ACER3: variants seen among roughly 807,000 people sequenced by gnomAD.
The protein encoded by ACER3 is alkCDase 3.
In ACER3, 16 loss-of-function variants were observed where a neutral mutation model predicts 48.9. The ratio of observed to expected loss-of-function variants is 0.33; its 90% CI spans 0.22 to 0.50. The LOEUF is 0.50. Ranked by LOEUF, ACER3 falls within the 20% of genes least tolerant of loss-of-function variation. The pLI, the probability that ACER3 is intolerant of heterozygous loss-of-function variation, is 0.98. For synonymous variants in ACER3, 109 were observed against 107.8 expected (o/e 1.01, Z -0.07); for missense variants, 227 against 326.0 (o/e 0.70, Z 2.34).
intron 1 of ACER3, among the ~76,000 whole-genome samples, chr11:76,891,256 A>G (rs1428293946): frequency 6.8e-6 from 1 of 147,490 alleles, no homozygotes; most frequent in Non-Finnish European, 1.5e-5. Context: ...TAATATATAT[A>G]TAATATATAT....
intron 1 of ACER3, chr11:76,868,001 T>C: frequency 2.5e-6 from 2 of 807,514 alleles, no homozygotes; most frequent in South Asian, 3.5e-5. Flanking sequence ...TTTTCCTTGC[T>C]GCTGCAGCAC....
intron 4 of ACER3, among the ~76,000 whole-genome samples, chr11:76,976,894 T>G (rs1349540430): frequency 6.6e-6 from 1 of 152,230 alleles, no homozygotes; most frequent in East Asian, 1.9e-4. Context: ...CAATCCAAAG[T>G]TCTCTTACTG....
At chr11:76,971,073 A>G (rs539646925) in intron 3 of ACER3, among the ~76,000 whole-genome samples, 1 of 152,318 alleles carries the variant, frequency 6.6e-6, no homozygotes, top group South Asian at 2.1e-4. Context: ...ATAATATTCC[A>G]TTGTATGGAT....
intron 1 of ACER3, among the ~76,000 whole-genome samples, chr11:76,890,357 G>A (rs78645875): frequency 0.036 from 5,517 of 152,202 alleles, 156 homozygotes; most frequent in Non-Finnish European, 0.052. Context: ...AGCATTTAGC[G>A]CAGAGTCTAA....
chr11:76,884,200 T>C (rs200326861), intron 1 of ACER3, among the ~76,000 whole-genome samples: 2 of 152,216 alleles, frequency 1.3e-5, no homozygotes, highest in East Asian at 3.8e-4. Context: ...CTTGCAAATT[T>C]TGGGAGCTCT....
chr11:76,996,545 G>C lies in ACER3; in HGVS notation c.439-2218G>C, dbSNP rs146868136. 4.8e-4 allele frequency among the ~76,000 whole-genome samples: 72 copies of C among 150,840 alleles called. 1 individual carries two copies. The East Asian group carries it at 0.014, about 28-fold the overall frequency. On this transcript the variant is annotated intron_variant, in intron 6 of 10. Transcript: ENST00000532485. ...GCAATTCTCCTGCCTCAGCCTCTAAGTAGCTGGGATTACTGGCACCCACCA... is the reference window on the plus strand; with the variant it reads ...GCAATTCTCCTGCCTCAGCCTCTAACTAGCTGGGATTACTGGCACCCACCA...
At chr11:76,875,107 C>CTTTTTTTT (rs10676364) in intron 1 of ACER3, among the ~76,000 whole-genome samples, 1,113 of 78,076 alleles carry the variant, frequency 0.014, 309 homozygotes, top group Non-Finnish European at 0.023. Flanking sequence ...AAAAGCACTT[C>CTTTTTTTT]TTTTTTTTTT....
chr11:77,012,866 T>C (rs1949298404), intron 7 of ACER3, among the ~76,000 whole-genome samples: 1 of 152,208 alleles, frequency 6.6e-6, no homozygotes. Context: ...GTTAGAGGGC[T>C]TGCATGACTT....
At chr11:76,906,483 A>G (rs1025545564) in intron 1 of ACER3, among the ~76,000 whole-genome samples, 4 of 152,156 alleles carry the variant, frequency 2.6e-5, no homozygotes, top group Admixed American at 1.3e-4. Flanking sequence ...TCTCCAACCA[A>G]TCAGCAGCAC....
At chr11:76,920,789 A>G (rs979368686) in intron 1 of ACER3, among the ~76,000 whole-genome samples, 1 of 152,010 alleles carries the variant, frequency 6.6e-6, no homozygotes, top group Admixed American at 6.6e-5. Context: ...GGCAAGTGCC[A>G]CTATGCCTGG....
intron 6 of ACER3, chr11:76,998,423 A>AAGCTAAATAGAAGAGAGG: frequency 9.4e-6 from 2 of 213,528 alleles, no homozygotes; most frequent in South Asian, 7.5e-5. Context: ...GCTGAAAGCA[A>AAGCTAAATAGAAGAGAGG]AGCTAAAGAG....
chr11:76,912,382 T>C (rs1946400685), intron 1 of ACER3, among the ~76,000 whole-genome samples: 1 of 152,148 alleles, frequency 6.6e-6, no homozygotes, highest in South Asian at 2.1e-4. Context: ...AATTGGTTTT[T>C]TAAGCTACCC....
intron 2 of ACER3, among the ~76,000 whole-genome samples, chr11:76,950,406 TATATA>T (rs1462625806): frequency 0.037 from 1,105 of 29,866 alleles, 368 homozygotes; most frequent in Non-Finnish European, 0.07. Context: ...TATATATATA[TATATA>T]ATTTACACAT....
chr11:76,907,871 A>AAAAAAT (rs1327852480), intron 1 of ACER3, among the ~76,000 whole-genome samples: 23 of 150,550 alleles, frequency 1.5e-4, no homozygotes, highest in African/African-American at 5.6e-4. Context: ...ATCCTGTCTC[A>AAAAAAT]AAAAATAAAA....
chr11:76,988,834 TTGG>T (rs1385083644), intron 5 of ACER3, among the ~76,000 whole-genome samples: 1 of 152,204 alleles, frequency 6.6e-6, no homozygotes, highest in African/African-American at 2.4e-5. Context: ...ATATAGACAA[TTGG>T]TGGGAGAGAC....
intron 2 of ACER3, among the ~76,000 whole-genome samples, chr11:76,930,628 C>A (rs1457301491): frequency 2.0e-5 from 3 of 151,846 alleles, no homozygotes; most frequent in Non-Finnish European, 4.4e-5. Flanking sequence ...CCTCTACACA[C>A]TACTTAAATG....
intron 1 of ACER3, among the ~76,000 whole-genome samples, chr11:76,896,531 A>G (rs1317732700): frequency 1.3e-5 from 2 of 151,730 alleles, no homozygotes. Flanking sequence ...CCCCCCTCCA[A>G]GCTTTCTCAC....
intron 2 of ACER3, among the ~76,000 whole-genome samples, chr11:76,927,036 TC>T (rs1274236032): frequency 6.6e-6 from 1 of 152,176 alleles, no homozygotes; most frequent in African/African-American, 2.4e-5. Context: ...CCTGATTGTA[TC>T]CCCCTCAGCC....
intron 1 of ACER3, among the ~76,000 whole-genome samples, chr11:76,917,184 G>A (rs899605870): frequency 6.6e-6 from 1 of 152,098 alleles, no homozygotes; most frequent in African/African-American, 2.4e-5. Context: ...CCGACTTCTG[G>A]ATGAAATGTT....
Sources: gnomAD v4.1 joint callset for allele counts (sites outside exome capture counted in the v4.1 genomes callset) on GRCh38, gnomAD v4.1.1 for gene constraint, MANE v1.5 for transcripts, NCBI Gene and HGNC (gene_info 2026-07-23, HGNC 2026-07-21) for gene names.